The following GLB1 variants were observed in gnomAD, a reference collection of about 807,000 sequenced individuals.
GLB1 encodes the protein galactosidase beta 1.
Under a neutral mutation model 74.0 loss-of-function variants are expected in GLB1, and 56 were observed. The ratio of observed to expected loss-of-function variants is 0.76; its 90% confidence interval spans 0.61 to 0.94. The LOEUF (loss-of-function observed/expected upper bound fraction) is 0.94. Among genes scored for constraint, GLB1 ranks in the 40% least tolerant of loss-of-function variants. GLB1 has a pLI of 0.00. For missense variants in GLB1, 787 were observed against 845.5 expected, an observed-to-expected ratio of 0.93 and a Z score of 0.86; for synonymous variants, 323 against 323.6, an observed-to-expected ratio of 1.00 and a Z score of 0.02.
Position 33,065,541 on chromosome 3 carries a change from C to G in GLB1, c.474G>C (p.Val158=). The G allele has an allele frequency of 6.3e-7, 1 of 1,578,892 alleles. No homozygotes were observed. Among genetic ancestry groups the G allele is most frequent in the Non-Finnish European group, 8.6e-7 (1 of 1,158,888 alleles). Residue 158 remains valine (V), a synonymous_variant, in exon 5 of 16, where the codon GTG becomes GTC. Transcript: ENST00000307363. ...GCAGAAGGACTCCCAACCACTTGTC[C>G]ACAGCTGCCAGGTAATCTGGAAAAC... The part of the protein sequence containing the change: ...RSSDPDYLAA[V]DKWLGVLLPK...
At chr3:33,039,017 C>T (rs1048170883) in intron 10 of GLB1, among the ~76,000 whole-genome samples, 1 of 151,942 alleles carries the variant, frequency 6.6e-6, no homozygotes, top group Non-Finnish European at 1.5e-5. Flanking sequence ...CAGGGCCGGG[C>T]GTAGTGGCTC....
the GLB1 span, among the ~76,000 whole-genome samples, chr3:32,970,489 G>A: frequency 6.6e-6 from 1 of 152,272 alleles, no homozygotes; most frequent in East Asian, 1.9e-4. Flanking sequence ...GCATGGCTAG[G>A]TATGGAAAAG....
At chr3:33,082,159 G>C (rs1700344835) in intron 1 of GLB1, among the ~76,000 whole-genome samples, 1 of 152,226 alleles carries the variant, frequency 6.6e-6, no homozygotes, top group Non-Finnish European at 1.5e-5. Context: ...GGTAGCACCA[G>C]GGAACCTGAA....
rs72555363 is a variant in GLB1 at position 33,014,263 on chromosome 3, C to A, written c.1527G>T (p.Trp509Cys). Residue 509 changes from tryptophan to cysteine, a missense_variant, in exon 15 of 16, where the codon TGG becomes TGT. By Grantham distance (215) the Trp-to-Cys change is radical (BLOSUM62 -2). Coordinates refer to ENST00000307363, the MANE Select transcript of GLB1 (RefSeq NM_000404.4). Reference protein sequence around the residue: ...LTLSSNILTDWTIFPLDTEDA... With the variant: ...LTLSSNILTDCTIFPLDTEDA... ...CCTCAGTGTCCAGTGGAAAGATCGTCCAGTCCGTGAGGATATTGGAACTGA... is the reference window on the plus strand; with the variant it reads ...CCTCAGTGTCCAGTGGAAAGATCGTACAGTCCGTGAGGATATTGGAACTGA... The A allele has an allele frequency of 5.6e-6, 9 of 1,614,138 alleles. No individual in the cohort carries two copies. Among genetic ancestry groups the A allele is most frequent in the Admixed American group, 1.7e-5 (1 of 60,020 alleles).
At chr3:33,064,775 T>G (rs549458956) in intron 5 of GLB1, among the ~76,000 whole-genome samples, 1 of 2,104 alleles carries the variant, frequency 4.8e-4, no homozygotes, top group African/African-American at 1.2e-3. Flanking sequence ...AGACTCTCTC[T>G]CAAAAAAAAA....
chr3:33,072,525 C>CA lies in GLB1; in HGVS notation c.245+18dup, dbSNP rs1559411640. On this transcript the variant is annotated intron_variant, in intron 2 of 15. Transcript: ENST00000307363. ...TGGGTGTTCAGGCCTAGGTGAGAGC[C>CA]ACATGCCCTCCTACTTACGTCTGGA... 6.2e-7 allele frequency: 1 copy of CA among 1,612,550 alleles called. No individual in the cohort carries two copies. Among genetic ancestry groups the CA allele is most frequent in the Admixed American group, 1.7e-5 (1 of 60,016 alleles).
At chr3:32,969,023 G>A in the GLB1 span, among the ~76,000 whole-genome samples, 1 of 152,204 alleles carries the variant, frequency 6.6e-6, no homozygotes, top group Middle Eastern at 3.2e-3. Context: ...GTCCCAGGAG[G>A]CCCCCTTCAT....
the GLB1 span, among the ~76,000 whole-genome samples, chr3:32,984,221 C>T: frequency 7.2e-5 from 11 of 152,134 alleles, no homozygotes; most frequent in Non-Finnish European, 1.6e-4. Flanking sequence ...TTAGTTATTC[C>T]TGCCTTGCTC....
intron 15 of GLB1, among the ~76,000 whole-genome samples, chr3:33,009,733 G>C (rs1575405954): frequency 1.3e-5 from 2 of 152,310 alleles, no homozygotes; most frequent in South Asian, 4.1e-4. Flanking sequence ...ATATCCATCA[G>C]CTCCAATAGA....
intron 15 of GLB1, among the ~76,000 whole-genome samples, chr3:33,004,099 C>A (rs1177337976): frequency 6.6e-6 from 1 of 152,114 alleles, no homozygotes; most frequent in Non-Finnish European, 1.5e-5. Flanking sequence ...ATATTTTGGC[C>A]AAACAACGTG....
chr3:33,016,992 T>C, intron 13 of GLB1, 152 bp from the exon 14 acceptor site: 1 of 1,329,498 alleles, frequency 7.5e-7, no homozygotes, highest in Non-Finnish European at 1.0e-6. Flanking sequence ...TAGCCCAAGT[T>C]ACCGGCCAGG....
chr3:33,012,708 C>T (rs1477235041), intron 15 of GLB1, among the ~76,000 whole-genome samples: 2 of 152,196 alleles, frequency 1.3e-5, no homozygotes, highest in Non-Finnish European at 2.9e-5. Flanking sequence ...AAGTCCCCTT[C>T]TGAAGCTGCT....
chr3:33,006,722 C>T (rs1309999109), intron 15 of GLB1, among the ~76,000 whole-genome samples: 1 of 152,156 alleles, frequency 6.6e-6, no homozygotes, highest in African/African-American at 2.4e-5. Context: ...CCAGTGTAAA[C>T]AAAAGTGATT....
chr3:32,981,309 C>T, the GLB1 span, among the ~76,000 whole-genome samples: 1,228 of 138,150 alleles, frequency 8.9e-3, 10 homozygotes, highest in African/African-American at 0.031. Flanking sequence ...AGGCTGAGGC[C>T]GAATCACTTG....
At chr3:33,002,013 G>A (rs1451865535) in intron 15 of GLB1, among the ~76,000 whole-genome samples, 1 of 152,228 alleles carries the variant, frequency 6.6e-6, no homozygotes, top group East Asian at 1.9e-4. Context: ...AGGTATGCAC[G>A]TGTTGCTGAA....
At chr3:33,023,015 T>G (rs1697565635) in intron 11 of GLB1, among the ~76,000 whole-genome samples, 1 of 152,228 alleles carries the variant, frequency 6.6e-6, no homozygotes, top group African/African-American at 2.4e-5. Flanking sequence ...AAACTTATTT[T>G]CTATATAACT....
chr3:32,999,384 G>A (rs1483153091), intron 15 of GLB1, among the ~76,000 whole-genome samples: 1 of 152,184 alleles, frequency 6.6e-6, no homozygotes, highest in Admixed American at 6.5e-5. Context: ...ACGAGCAGCA[G>A]CCAAGGAATG....
chr3:32,999,826 T>C (rs1326233560), intron 15 of GLB1, among the ~76,000 whole-genome samples: 1 of 151,996 alleles, frequency 6.6e-6, no homozygotes, highest in African/African-American at 2.4e-5. Flanking sequence ...CATTTTTGTA[T>C]TTTTGGTAGA....
intron 1 of GLB1, 89 bp from the exon 2 acceptor site, chr3:33,072,802 T>C: frequency 3.8e-6 from 6 of 1,568,658 alleles, no homozygotes; most frequent in Non-Finnish European, 4.3e-6. Flanking sequence ...ACTCTCTGCC[T>C]ATTGAATTTG....
Sources: allele counts gnomAD v4.1 joint callset (sites outside exome capture counted in the v4.1 genomes callset), GRCh38; gene constraint gnomAD v4.1.1; transcripts MANE v1.5; gene names NCBI Gene and HGNC (gene_info 2026-07-23, HGNC 2026-07-21).